DIO1: variants seen among roughly 807,000 people sequenced by gnomAD.
DIO1 encodes the protein iodothyronine deiodinase 1.
DIO1 carries 17 observed loss-of-function variants against 25.9 expected under a neutral mutation model. The ratio of observed to expected loss-of-function variants is 0.66; its 90% CI spans 0.45 to 0.98. DIO1 has a LOEUF of 0.98. DIO1 is among the 50% of genes least tolerant of loss of function. DIO1 has a pLI of 0.00. For synonymous variants in DIO1, 115 were observed against 114.0 expected (o/e 1.01, Z -0.05); for missense variants, 270 against 310.4 (o/e 0.87, Z 0.98).
At chr1:53,899,810 G>T (rs750509569) in intron 1 of DIO1, among the ~76,000 whole-genome samples, 6 of 152,252 alleles carry the variant, frequency 3.9e-5, no homozygotes, top group Middle Eastern at 3.4e-3. Context: ...CAAGTAGCTG[G>T]GACTAGACAT....
intron 3 of DIO1, among the ~76,000 whole-genome samples, chr1:53,908,006 G>A (rs1342920411): frequency 4.7e-5 from 7 of 149,992 alleles, no homozygotes; most frequent in Admixed American, 3.3e-4. Context: ...GGCAGATCAC[G>A]AGGTCATGAA....
chr1:53,905,869 T>C (rs1651628465), intron 2 of DIO1, among the ~76,000 whole-genome samples: 1 of 152,222 alleles, frequency 6.6e-6, no homozygotes, highest in South Asian at 2.1e-4. Context: ...TATTGGACTA[T>C]TTCACGTTGA....
chr1:53,901,044 G>T (rs1437391929), intron 1 of DIO1, among the ~76,000 whole-genome samples: 1 of 135,812 alleles, frequency 7.4e-6, no homozygotes, highest in Non-Finnish European at 1.5e-5. Context: ...TGCCCAGGGT[G>T]GTCTTGAACT....
chr1:53,906,367 T>C, intron 3 of DIO1, 73 bp downstream of exon 3: 1 of 1,346,864 alleles, frequency 7.4e-7, no homozygotes, highest in Non-Finnish European at 1.0e-6. Context: ...GAGAAGGCTT[T>C]GCATCAAGCA....
At chr1:53,903,623 C>A (rs372227200) in intron 1 of DIO1, among the ~76,000 whole-genome samples, 4 of 151,782 alleles carry the variant, frequency 2.6e-5, no homozygotes, top group Admixed American at 6.5e-5. Flanking sequence ...CCGAGGCCGG[C>A]GGATCACTTG....
At chr1:53,908,135 T>C (rs1651753830) in intron 3 of DIO1, among the ~76,000 whole-genome samples, 1 of 151,728 alleles carries the variant, frequency 6.6e-6, no homozygotes, top group Non-Finnish European at 1.5e-5. Flanking sequence ...GGCAGGAGAA[T>C]TGCTTGAACC....
In DIO1 at chr1:53,903,623, C is replaced by T. The variant is rs372227200; in HGVS notation, c.338-1043C>T. Among the ~76,000 whole-genome samples the T allele has an allele frequency of 6.2e-4, 94 of 151,898 alleles. 1 individual carries two copies. In the East Asian group the frequency reaches 8.9e-3, roughly 14 times the overall value. ...CAGCACTTTGGGAGGCCGAGGCCGG[C>T]GGATCACTTGAGGTCAGGAGTCTGA... On this transcript the variant is annotated intron_variant, in intron 1 of 3. Coordinates refer to ENST00000361921, the MANE Select transcript of DIO1 (RefSeq NM_000792.7).
At chr1:53,909,126 G>T (rs1432692746) in intron 3 of DIO1, among the ~76,000 whole-genome samples, 2 of 149,502 alleles carry the variant, frequency 1.3e-5, no homozygotes, top group African/African-American at 2.5e-5. Context: ...AAAGTTCACT[G>T]GTTCCATGGC....
chr1:53,908,208 C>T lies in DIO1; in HGVS notation c.682-1723C>T, dbSNP rs563647642. Among the ~76,000 whole-genome samples, 5 of 151,332 alleles carry T rather than the reference C, an allele frequency of 3.3e-5. 1 individual carries two copies. Among genetic ancestry groups the T allele is most frequent in the East Asian group, 2.0e-4 (1 of 5,122 alleles). ...CTGCACTCCAGTCTTGGCAACAGAGCGAGACTCCGTCTCAAAAAAAAAAAG... is the reference window on the plus strand; with the variant it reads ...CTGCACTCCAGTCTTGGCAACAGAGTGAGACTCCGTCTCAAAAAAAAAAAG... On this transcript the variant is annotated intron_variant, in intron 3 of 3. Coordinates refer to ENST00000361921, the MANE Select transcript of DIO1 (RefSeq NM_000792.7).
chr1:53,897,097 G>A (rs1651115577), intron 1 of DIO1, among the ~76,000 whole-genome samples: 1 of 152,260 alleles, frequency 6.6e-6, no homozygotes, highest in South Asian at 2.1e-4. Context: ...TTCCCTGAAA[G>A]CCAGCTTGCC....
In DIO1 at chr1:53,909,964, G is replaced by A. The variant is rs148364500; in HGVS notation, c.715G>A (p.Glu239Lys). Residue 239 changes from glutamate (E) to lysine (K), a missense_variant, in exon 4 of 4, where the codon GAA becomes AAA. Physicochemically the swap from Glu to Lys is moderately conservative, Grantham distance 56 (BLOSUM62 1). Coordinates refer to ENST00000361921, the MANE Select transcript of DIO1 (RefSeq NM_000792.7). ...KSGPWNYNPE[E>K]VRAVLEKLHS ...TGGCCCTTGGAACTACAACCCAGAG[G>A]AAGTTCGTGCTGTTCTGGAAAAGCT... 9.2e-5 allele frequency: 149 copies of A among 1,614,204 alleles called. No individual in the cohort carries two copies. Among genetic ancestry groups the A allele is most frequent in the Non-Finnish European group, 1.1e-4 (134 of 1,180,044 alleles).
In DIO1 at chr1:53,894,478, G is replaced by A. The variant is rs138970289; in HGVS notation, c.268G>A (p.Gly90Ser). 4.3e-6 allele frequency: 7 copies of A among 1,614,212 alleles called. No homozygotes were observed. Among genetic ancestry groups the A allele is most frequent in the South Asian group, 1.1e-5 (1 of 91,080 alleles). Reference protein sequence around the residue: ...QRLEDTTELGGLAPNCPVVRL... With the variant: ...QRLEDTTELGSLAPNCPVVRL... ...ACTAGAGGACACGACTGAGCTAGGG[G>A]GTCTGGCCCCAAACTGCCCGGTGGT... Residue 90 changes from glycine to serine, a missense_variant, in exon 1 of 4, where the codon GGT becomes AGT. Physicochemically the swap from Gly to Ser is moderately conservative, Grantham distance 56 (BLOSUM62 0). Coordinates refer to ENST00000361921, the MANE Select transcript of DIO1 (RefSeq NM_000792.7). This position sits in a 1 kb window ranked among gnomAD's most constrained non-coding sequence, Gnocchi z 4.9.
rs568490922 is a variant in DIO1 at position 53,908,209 on chromosome 1, G to A, written c.682-1722G>A. 3.2e-3 allele frequency among the ~76,000 whole-genome samples: 489 copies of A among 151,398 alleles called. 1 individual carries two copies. Among genetic ancestry groups the A allele is most frequent in the African/African-American group, 0.011 (435 of 41,334 alleles). On this transcript the variant is annotated intron_variant, in intron 3 of 3. Transcript: ENST00000361921. Reference sequence around the variant, plus strand: ...TGCACTCCAGTCTTGGCAACAGAGCGAGACTCCGTCTCAAAAAAAAAAAGA... The same window carrying A: ...TGCACTCCAGTCTTGGCAACAGAGCAAGACTCCGTCTCAAAAAAAAAAAGA...
At chr1:53,906,410 C>G (rs1445703116) in intron 3 of DIO1, 116 bp downstream of exon 3, 2 of 886,240 alleles carry the variant, frequency 2.3e-6, no homozygotes, top group Non-Finnish European at 3.5e-6. Context: ...CAGCCACTTA[C>G]CAGCCATGTG....
chr1:53,895,202 A>G (rs1310193309), intron 1 of DIO1, among the ~76,000 whole-genome samples: 1 of 152,194 alleles, frequency 6.6e-6, no homozygotes, highest in Non-Finnish European at 1.5e-5. Context: ...AGGCTGGCAG[A>G]TCATGAGGTC....
At chr1:53,908,130 G>T (rs1651753699) in intron 3 of DIO1, among the ~76,000 whole-genome samples, 1 of 151,842 alleles carries the variant, frequency 6.6e-6, no homozygotes, top group African/African-American at 2.4e-5. Context: ...GCTGGGGCAG[G>T]AGAATTGCTT....
At position 53,894,617 on chromosome 1, in the gene DIO1, T is replaced by C. The variant is rs1650980395; in HGVS notation, c.337+70T>C. 4 of 1,380,334 alleles carry C rather than the reference T, an allele frequency of 2.9e-6. No homozygotes were observed. The South Asian group carries it at 5.4e-5, about 19-fold the overall frequency. 85.5% of individuals were successfully genotyped at this position (1,380,334 alleles called of 1,614,324 possible). A position where few individuals can be genotyped will look rare whatever the true frequency, so the allele number is the denominator to read the frequency against. On this transcript the variant is annotated intron_variant, in intron 1 of 3. Coordinates refer to ENST00000361921, the MANE Select transcript of DIO1 (RefSeq NM_000792.7). This position sits in a 1 kb window ranked among gnomAD's most constrained non-coding sequence, Gnocchi z 4.9. ...GGTAGAGGGGGATGAAGAGATGGGT[T>C]GGAAAGTCCTGAATTCTCCTACTAC...
intron 1 of DIO1, among the ~76,000 whole-genome samples, chr1:53,899,805 A>G (rs1651261012): frequency 6.6e-6 from 1 of 152,108 alleles, no homozygotes; most frequent in Non-Finnish European, 1.5e-5. Context: ...CCTCCCAAGT[A>G]GCTGGGACTA....
intron 1 of DIO1, among the ~76,000 whole-genome samples, chr1:53,900,030 A>G (rs1651273615): frequency 6.6e-6 from 1 of 152,214 alleles, no homozygotes; most frequent in African/African-American, 2.4e-5. Context: ...AGTGCAGTCA[A>G]CCAGCAGAGA....
Sources: gnomAD v4.1 joint callset for allele counts (sites outside exome capture counted in the v4.1 genomes callset) on GRCh38, gnomAD v4.1.1 for gene constraint, Gnocchi (gnomAD v3.1) non-coding constraint, MANE v1.5 for transcripts, NCBI Gene and HGNC (gene_info 2026-07-23, HGNC 2026-07-21) for gene names.